The following RHBDF2 variants were observed in gnomAD, a reference collection of about 807,000 sequenced individuals.
The protein encoded by RHBDF2 is inactive rhomboid protein 2.
In RHBDF2, 38 loss-of-function variants were observed where a neutral mutation model predicts 95.2. That is an observed-to-expected ratio of 0.40 (90% CI 0.31 to 0.52). The LOEUF (loss-of-function observed/expected upper bound fraction) is 0.52, where lower values mean the gene tolerates loss of function less well. Ranked by LOEUF, RHBDF2 falls within the 20% of genes least tolerant of loss-of-function variation. The pLI is 0.56. For synonymous variants in RHBDF2, 442 were observed against 462.0 expected (o/e 0.96, Z 0.55); for missense variants, 863 against 1,137.7 (o/e 0.76, Z 3.47).
intron 6 of RHBDF2, among the ~76,000 whole-genome samples, chr17:76,478,296 C>T (rs950317441): frequency 2.0e-5 from 3 of 152,236 alleles, no homozygotes; most frequent in Non-Finnish European, 4.4e-5. Flanking sequence ...TTGCATAGGC[C>T]ATTCCCTCTG....
In RHBDF2 at chr17:76,479,250, G is replaced by A. The variant is rs751973988; in HGVS notation, c.300C>T (p.Ser100=). The A allele has an allele frequency of 1.4e-5, 22 of 1,604,758 alleles. No individual in the cohort carries two copies. The highest frequency in any genetic ancestry group is 1.7e-4 in the Middle Eastern group (1 of 5,964). ...RKGAAQWFGV[S]GDWEGQRQQW... Reference sequence around the variant, plus strand: ...GCTGCCGCTGCCCCTCCCAGTCGCCGCTGACTCCAAACCACTGGGCTGCGC... The same window carrying A: ...GCTGCCGCTGCCCCTCCCAGTCGCCACTGACTCCAAACCACTGGGCTGCGC... The change falls in exon 5 of 19, where the codon AGC becomes AGT. Residue 100 remains serine, a synonymous_variant. Coordinates refer to ENST00000675367, the MANE Select transcript of RHBDF2 (RefSeq NM_001005498.4).
chr17:76,472,009 A>C lies in RHBDF2; in HGVS notation c.2108T>G (p.Phe703Cys), dbSNP rs982026695. ...GSQFGLLACL[F>C]VELFQSWPLL... is the part of the protein sequence containing the mutation. ...CGGCCAGCTCTGGAAGAGCTCCACG[A>C]AGAGGCAGGCGAGGAGGCCGAACTG... The change falls in exon 19 of 19, where the codon TTC becomes TGC. Residue 703 changes from phenylalanine to cysteine, a missense_variant. This residue lies in a region of RHBDF2 where 252 missense variants were observed against 412.2 expected (regional missense o/e 0.61). Transcript: ENST00000675367. 1.9e-6 allele frequency: 3 copies of C among 1,576,346 alleles called. No individual in the cohort carries two copies. In the African/African-American group the frequency reaches 4.0e-5, roughly 21 times the overall value.
At position 76,477,016 on chromosome 17, in the gene RHBDF2, T is replaced by C. The variant is rs763216768; in HGVS notation, c.929A>G (p.Tyr310Cys). The C allele has an allele frequency of 1.9e-6, 3 of 1,613,408 alleles. No individual in the cohort carries two copies. In the African/African-American group the frequency reaches 4.0e-5, roughly 22 times the overall value. Reference protein sequence around the residue: ...PDGVQIPLKEYGRAPVPGPRR... With the variant: ...PDGVQIPLKECGRAPVPGPRR... ...GGGCCCGGGGACTGGGGCTCGGCCA[T>C]ACTCCTTCCTGGTGGGGATGGTGGC... The change falls in exon 9 of 19, where the codon TAT becomes TGT. Residue 310 changes from tyrosine (Y) to cysteine (C), a missense_variant. Coordinates refer to ENST00000675367, the MANE Select transcript of RHBDF2 (RefSeq NM_001005498.4).
In RHBDF2 at chr17:76,479,154, G is replaced by T. The variant is rs1218263526; in HGVS notation, c.396C>A (p.Asp132Glu). The T allele has an allele frequency of 6.2e-7, 1 of 1,613,304 alleles. No individual in the cohort carries two copies. The highest frequency in any genetic ancestry group is 1.7e-5 in the Admixed American group (1 of 60,020). ...GTGCCTCCTGGCTGGGGAGCTCCAG[G>T]TCACGCTGGCACGAGGCCTTCAGGC... ...YGRLKASCQR[D>E]LELPSQEAPS... is the part of the protein sequence containing the mutation. Residue 132 changes from aspartate to glutamate, a missense_variant, in exon 5 of 19, where the codon GAC becomes GAA. Physicochemically the swap from Asp to Glu is conservative, Grantham distance 45 (BLOSUM62 2). Coordinates refer to ENST00000675367, the MANE Select transcript of RHBDF2 (RefSeq NM_001005498.4).
At chr17:76,484,758 CT>C (rs1219735485) in intron 2 of RHBDF2, among the ~76,000 whole-genome samples, 1 of 152,208 alleles carries the variant, frequency 6.6e-6, no homozygotes, top group Non-Finnish European at 1.5e-5. Context: ...TTGCTTACCC[CT>C]GACCCAGCTT....
intron 1 of RHBDF2, among the ~76,000 whole-genome samples, chr17:76,496,944 A>C (rs1216070731): frequency 6.6e-6 from 1 of 151,950 alleles, no homozygotes; most frequent in Non-Finnish European, 1.5e-5. Flanking sequence ...TTGTATTTTT[A>C]GTAGAGACGG....
intron 1 of RHBDF2, among the ~76,000 whole-genome samples, chr17:76,496,504 G>A (rs986143775): frequency 6.6e-6 from 1 of 152,264 alleles, no homozygotes; most frequent in Non-Finnish European, 1.5e-5. Context: ...AGTGTTTGGG[G>A]TGCTGGAGTG....
intron 2 of RHBDF2, among the ~76,000 whole-genome samples, chr17:76,484,322 C>A (rs2074057804): frequency 6.6e-6 from 1 of 152,078 alleles, no homozygotes; most frequent in African/African-American, 2.4e-5. Flanking sequence ...CTTCACATCC[C>A]AAGGTTCCTG....
At chr17:76,479,647 A>T in intron 4 of RHBDF2, 86 bp downstream of exon 4, 1 of 1,039,860 alleles carries the variant, frequency 9.6e-7, no homozygotes, top group Non-Finnish European at 1.4e-6. Context: ...GAGGGGACGC[A>T]GGGACCAGGC....
intron 1 of RHBDF2, among the ~76,000 whole-genome samples, chr17:76,490,661 C>T (rs1158856789): frequency 1.3e-5 from 2 of 152,008 alleles, no homozygotes; most frequent in South Asian, 2.1e-4. Flanking sequence ...CTTTCTGGAA[C>T]CCAGATCTGA....
intron 12 of RHBDF2, 68 bp downstream of exon 12, chr17:76,474,305 G>A (rs2073692150): frequency 1.3e-6 from 2 of 1,543,504 alleles, no homozygotes; most frequent in Non-Finnish European, 8.9e-7. Context: ...TGCCCTTGAA[G>A]GACAGGGCAA....
Position 76,474,032 on chromosome 17 carries a change from C to G in RHBDF2, c.1574+1G>C, listed in dbSNP as rs1385944267. The G allele has an allele frequency of 6.2e-7, 1 of 1,611,140 alleles. No individual in the cohort carries two copies. The highest frequency in any genetic ancestry group is 8.5e-7 in the Non-Finnish European group (1 of 1,177,898). The stretch of plus-strand genomic sequence containing the variant: ...GGCCCAGCAGAGGCTCCAGGCCCTA[C>G]CTGGGGTCCTGGTGGCAGACAGCCC... On this transcript the variant is annotated splice_donor_variant, in intron 13 of 18. Coordinates refer to ENST00000675367, the MANE Select transcript of RHBDF2 (RefSeq NM_001005498.4). LOFTEE classifies it high-confidence loss of function.
At chr17:76,499,555 A>G (rs1567895142) in intron 1 of RHBDF2, among the ~76,000 whole-genome samples, 1 of 152,166 alleles carries the variant, frequency 6.6e-6, no homozygotes, top group African/African-American at 2.4e-5. Flanking sequence ...GGCCCACTCC[A>G]GGGCTCGTCA....
At chr17:76,472,392 C>CT in intron 18 of RHBDF2, 6 of 568,688 alleles carry the variant, frequency 1.1e-5, no homozygotes, top group South Asian at 4.2e-5. Flanking sequence ...CGACGGCGCA[C>CT]GGAGGCCATT....
chr17:76,491,157 G>A (rs931774644), intron 1 of RHBDF2, among the ~76,000 whole-genome samples: 1 of 152,054 alleles, frequency 6.6e-6, no homozygotes, highest in Non-Finnish European at 1.5e-5. Context: ...GATGGAGGAC[G>A]CTGCATGCTG....
rs115258140 is a variant in RHBDF2, at chr17:76,483,589, G to A, written c.-21-2044C>T. ...TTTCAGCCACCACACCCGGCCCTAG[G>A]CCTCTTGTCTTTTTTGATGAATGCA... is the stretch of plus-strand genomic sequence containing the variant. On this transcript the variant is annotated intron_variant, in intron 2 of 18. Coordinates refer to ENST00000675367, the MANE Select transcript of RHBDF2 (RefSeq NM_001005498.4). Among the ~76,000 whole-genome samples, 449 of 152,180 alleles carry A rather than the reference G, an allele frequency of 3.0e-3. 3 individuals carry two copies. The highest frequency in any genetic ancestry group is 0.01 in the African/African-American group (422 of 41,534).
At chr17:76,479,908 G>C (rs944732123) in intron 3 of RHBDF2, 54 bp from the exon 4 acceptor site, 1 of 1,602,376 alleles carries the variant, frequency 6.2e-7, no homozygotes, top group Non-Finnish European at 8.5e-7. Context: ...CAGGTCCTGG[G>C]CTGGCTTTTC....
intron 1 of RHBDF2, among the ~76,000 whole-genome samples, chr17:76,499,516 C>T (rs750076551): frequency 6.6e-6 from 1 of 152,220 alleles, no homozygotes; most frequent in Non-Finnish European, 1.5e-5. Context: ...ACACCATGGG[C>T]AGGGGTGCCT....
rs377515851 is a variant in RHBDF2, at chr17:76,473,848, A to G, written c.1629T>C (p.Thr543=). 2.6e-5 allele frequency: 42 copies of G among 1,613,930 alleles called. No homozygotes were observed. Among genetic ancestry groups the G allele is most frequent in the Admixed American group, 3.3e-5 (2 of 59,998 alleles). ...SGAHIWPDDI[T]KWPICTEQAR... is the part of the protein sequence containing the mutation. Reference sequence around the variant, plus strand: ...CGCCAGGGACACTCACCGGCCACTTAGTGATGTCATCGGGCCAGATGTGGG... The same window carrying G: ...CGCCAGGGACACTCACCGGCCACTTGGTGATGTCATCGGGCCAGATGTGGG... Residue 543 remains threonine, a synonymous_variant, in exon 14 of 19, where the codon ACT becomes ACC. Transcript: ENST00000675367.
Sources: gnomAD v4.1 joint callset for allele counts (sites outside exome capture counted in the v4.1 genomes callset) on GRCh38, gnomAD v4.1.1 for gene constraint, gnomAD v4.1.1 regional missense constraint, MANE v1.5 for transcripts, NCBI Gene and HGNC (gene_info 2026-07-23, HGNC 2026-07-21) for gene names.